Variants in ZNF382 observed in about 807,000 individuals in gnomAD.
The protein encoded by ZNF382 is KRAB/zinc finger suppressor protein 1.
A neutral mutation model predicts 38.8 loss-of-function variants in ZNF382; 20 were observed. The ratio of observed to expected loss-of-function variants is 0.51; its 90% CI spans 0.36 to 0.75. The LOEUF (loss-of-function observed/expected upper bound fraction) is 0.75, where lower values mean the gene tolerates loss of function less well. Ranked by LOEUF, ZNF382 falls within the 30% of genes least tolerant of loss-of-function variation. The pLI is 0.00. For missense variants in ZNF382, 546 were observed against 654.1 expected, an observed-to-expected ratio of 0.83 and a Z score of 1.80; for synonymous variants, 202 against 223.1, an observed-to-expected ratio of 0.91 and a Z score of 0.84.
chr19:36,627,703 C>T lies in ZNF382; in HGVS notation c.*153C>T. 1 of 568,452 alleles carries T rather than the reference C, an allele frequency of 1.8e-6. No individual in the cohort carries two copies. Among genetic ancestry groups the T allele is most frequent in the South Asian group, 2.6e-5 (1 of 38,624 alleles). The allele number at this position is 568,452 out of a possible 1,614,324, so 35.2% of individuals were successfully genotyped here. A position where few individuals can be genotyped will look rare whatever the true frequency, so the allele number is the denominator to read the frequency against. On this transcript the variant is annotated 3_prime_UTR_variant, in exon 5 of 5. Coordinates refer to ENST00000292928, the MANE Select transcript of ZNF382 (RefSeq NM_032825.5). ...TAAAACACACACACACACACACACA[C>T]ACACACAAATATTATTAGACAAATT... is the stretch of plus-strand genomic sequence containing the variant.
rs1469257711 is a variant in ZNF382 at position 36,631,285 on chromosome 19, T to G, written c.*3735T>G. The G allele has an allele frequency of 6.6e-6, 1 of 152,210 alleles. No homozygotes were observed. The highest frequency in any genetic ancestry group is 2.4e-5 in the African/African-American group (1 of 41,434). 9.4% of individuals were successfully genotyped at this position (152,210 alleles called of 1,614,324 possible). A position where few individuals can be genotyped will look rare whatever the true frequency, so the allele number is the denominator to read the frequency against. ...TCCTAGGCTACAAATCTGTACTGCA[T>G]GTTACTGTGCTGGATACTATAGGCA... On this transcript the variant is annotated 3_prime_UTR_variant, in exon 5 of 5. Coordinates refer to ENST00000292928, the MANE Select transcript of ZNF382 (RefSeq NM_032825.5).
At chr19:36,613,220 A>G (rs1472593871) in intron 4 of ZNF382, among the ~76,000 whole-genome samples, 1 of 152,166 alleles carries the variant, frequency 6.6e-6, no homozygotes, top group Non-Finnish European at 1.5e-5. Flanking sequence ...TCCCTAGTCT[A>G]TGACTTGCAT....
chr19:36,614,101 A>C (rs983660732), intron 4 of ZNF382, among the ~76,000 whole-genome samples: 7 of 152,104 alleles, frequency 4.6e-5, no homozygotes, highest in Admixed American at 6.5e-5. Context: ...GCACTTTGGG[A>C]GGCCGAGGCG....
chr19:36,607,430 G>A (rs1373044559), intron 1 of ZNF382, 122 bp from the exon 2 acceptor site: 1 of 635,270 alleles, frequency 1.6e-6, no homozygotes, highest in Non-Finnish European at 2.7e-6. Flanking sequence ...CATCTGAAGG[G>A]TACACAGGGT....
At chr19:36,624,352 A>G (rs144519745) in intron 4 of ZNF382, among the ~76,000 whole-genome samples, 128 of 152,300 alleles carry the variant, frequency 8.4e-4, no homozygotes, top group Middle Eastern at 3.4e-3. Flanking sequence ...GTAGTATTCT[A>G]TTGTGTAATA....
intron 4 of ZNF382, among the ~76,000 whole-genome samples, chr19:36,611,964 G>T (rs1327321525): frequency 6.6e-6 from 1 of 152,122 alleles, no homozygotes; most frequent in African/African-American, 2.4e-5. Flanking sequence ...GCCTGGGTTT[G>T]TGGAAATATT....
Position 36,626,840 on chromosome 19 carries a change from C to T in ZNF382, c.943C>T (p.Gln315Ter). The change falls in exon 5 of 5, where the codon CAG becomes TAG. Residue 315 changes from glutamine to a stop codon, truncating the protein, a stop_gained. Coordinates refer to ENST00000292928, the MANE Select transcript of ZNF382 (RefSeq NM_032825.5). LOFTEE classifies it high-confidence loss of function. Reference protein sequence around the residue: ...FRRKSYLIEHQRIHTGEKPYV... With the variant: ...FRRKSYLIEH The stretch of plus-strand genomic sequence containing the variant: ...AAGGAAGTCATACCTCATTGAACAT[C>T]AGCGAATTCACACAGGTGAAAAACC... The T allele has an allele frequency of 6.2e-7, 1 of 1,614,268 alleles. No individual in the cohort carries two copies. The highest frequency in any genetic ancestry group is 8.5e-7 in the Non-Finnish European group (1 of 1,180,056).
intron 1 of ZNF382, among the ~76,000 whole-genome samples, chr19:36,606,361 TTTTG>T (rs1040655375): frequency 2.0e-5 from 3 of 151,828 alleles, no homozygotes; most frequent in Non-Finnish European, 4.4e-5. Context: ...TGTTGTTGTT[TTTTG>T]TTTGTTTTAA....
chr19:36,611,600 A>G lies in ZNF382; in HGVS notation c.232+858A>G, dbSNP rs149657305. Among the ~76,000 whole-genome samples, 1,068 of 152,232 alleles carry G rather than the reference A, an allele frequency of 7.0e-3. 10 individuals are homozygous for G. Among genetic ancestry groups the G allele is most frequent in the African/African-American group, 0.023 (948 of 41,518 alleles). Reference sequence around the variant, plus strand: ...TTTGGCTATTGTGAATATTGCTGCTATGAACATGGGTGTACAAATATCAGT... The same window carrying G: ...TTTGGCTATTGTGAATATTGCTGCTGTGAACATGGGTGTACAAATATCAGT... On this transcript the variant is annotated intron_variant, in intron 4 of 4. Transcript: ENST00000292928.
intron 4 of ZNF382, among the ~76,000 whole-genome samples, chr19:36,614,255 G>T (rs1339057291): frequency 6.6e-6 from 1 of 152,134 alleles, no homozygotes; most frequent in Non-Finnish European, 1.5e-5. Context: ...CAGGAGAATT[G>T]CTTGAACCCG....
In ZNF382 at chr19:36,613,928, G is replaced by A. The variant is rs1395469062; in HGVS notation, c.232+3186G>A. Among the ~76,000 whole-genome samples, 8 of 152,294 alleles carry A rather than the reference G, an allele frequency of 5.3e-5. No individual in the cohort carries two copies. The South Asian group carries it at 1.0e-3, about 20-fold the overall frequency. ...GTATCAGTCTATTTTTGGACAATCT[G>A]TTGTTTCCTTGGACATAATTTAAGT... is the stretch of plus-strand genomic sequence containing the variant. On this transcript the variant is annotated intron_variant, in intron 4 of 4. Transcript: ENST00000292928.
At chr19:36,618,569 G>A (rs573110003) in intron 4 of ZNF382, among the ~76,000 whole-genome samples, 41 of 152,150 alleles carry the variant, frequency 2.7e-4, no homozygotes, top group Non-Finnish European at 5.6e-4. Context: ...CTGAACTACT[G>A]AGAACATATA....
chr19:36,614,110 CG>C (rs1400558039), intron 4 of ZNF382, among the ~76,000 whole-genome samples: 1 of 151,752 alleles, frequency 6.6e-6, no homozygotes, highest in Non-Finnish European at 1.5e-5. Flanking sequence ...GAGGCCGAGG[CG>C]GGCGGATCAC....
chr19:36,628,014 T>C lies in ZNF382; in HGVS notation c.*464T>C, dbSNP rs998755087. ...CTCACAGTTGACCATGATTCTGACT[T>C]CTAACATTACAAATTAGTTTTTACT... On this transcript the variant is annotated 3_prime_UTR_variant, in exon 5 of 5. Coordinates refer to ENST00000292928, the MANE Select transcript of ZNF382 (RefSeq NM_032825.5). The C allele has an allele frequency of 6.4e-6, 1 of 156,774 alleles. No individual in the cohort carries two copies. Among genetic ancestry groups the C allele is most frequent in the Non-Finnish European group, 1.4e-5 (1 of 70,668 alleles). The allele number at this position is 156,774 out of a possible 1,614,324, so 9.7% of individuals were successfully genotyped here.
rs748432872 is a variant in ZNF382, at chr19:36,626,538, A to C, written c.641A>C (p.His214Pro). ...CAAGCTCCAGAGCAACCATTTGACC[A>C]TAATGAATGTGAAAAATCCTTCCTG... ...KVQAPEQPFD[H>P]NECEKSFLMK... is the part of the protein sequence containing the mutation. Residue 214 changes from histidine to proline, a missense_variant, in exon 5 of 5, where the codon CAT (histidine) becomes CCT (proline). Transcript: ENST00000292928. The C allele has an allele frequency of 5.0e-6, 8 of 1,613,230 alleles. No homozygotes were observed. The highest frequency in any genetic ancestry group is 1.7e-4 in the Middle Eastern group (1 of 6,058).
In ZNF382 at chr19:36,626,373, A is replaced by T; in HGVS notation, c.476A>T (p.Glu159Val). Residue 159 changes from glutamate to valine, a missense_variant, in exon 5 of 5, where the codon GAG becomes GTG. Physicochemically the swap from Glu to Val is moderately radical, Grantham distance 121. Transcript: ENST00000292928. ...ATTAGAAATATAAGCCCCATAAAAG[A>T]GAAGTTTGGTGACAGTACTGGATGG... ...LVIRNISPIK[E>V]KFGDSTGWEK... The T allele has an allele frequency of 6.3e-7, 1 of 1,579,544 alleles. No homozygotes were observed. The highest frequency in any genetic ancestry group is 8.6e-7 in the Non-Finnish European group (1 of 1,168,828).
At chr19:36,610,221 C>T (rs995228607) in intron 3 of ZNF382, among the ~76,000 whole-genome samples, 168 bp downstream of exon 3, 3 of 151,970 alleles carry the variant, frequency 2.0e-5, no homozygotes, top group Non-Finnish European at 4.4e-5. Flanking sequence ...TTTGGGAGGC[C>T]GAGGCAGGTG....
chr19:36,621,435 C>T (rs1350039939), intron 4 of ZNF382, among the ~76,000 whole-genome samples: 1 of 150,984 alleles, frequency 6.6e-6, no homozygotes, highest in African/African-American at 2.4e-5. Context: ...AGGATCATAC[C>T]CGATTTGGTC....
rs2037210595 is a variant in ZNF382 at position 36,626,127 on chromosome 19, TAGA to T, written c.237_239del (p.Glu79del). The T allele has an allele frequency of 1.3e-6, 2 of 1,533,350 alleles. No homozygotes were observed. Among genetic ancestry groups the T allele is most frequent in the Non-Finnish European group, 8.7e-7 (1 of 1,147,074 alleles). 95.0% of individuals were successfully genotyped at this position (1,533,350 alleles called of 1,614,324 possible). A position where few individuals can be genotyped will look rare whatever the true frequency, so the allele number is the denominator to read the frequency against. On this transcript the variant is annotated splice_acceptor_variant and coding_sequence_variant, in exon 5 of 5. Transcript: ENST00000292928. LOFTEE classifies it high-confidence loss of function. ...TCACAGTGTTAATGGTATTCTTTTCTAGAAGAAGATGGGAAAACTGAAGATGTC... is the reference window on the plus strand; with the variant it reads ...TCACAGTGTTAATGGTATTCTTTTCTAGAAGATGGGAAAACTGAAGATGTC...
Sources: allele counts gnomAD v4.1 joint callset (sites outside exome capture counted in the v4.1 genomes callset), GRCh38; gene constraint gnomAD v4.1.1; transcripts MANE v1.5; gene names NCBI Gene and HGNC (gene_info 2026-07-23, HGNC 2026-07-21).